Variants in GRIP1 observed in about 807,000 individuals in gnomAD.
GRIP1 encodes glutamate receptor interacting protein 1, also known as glutamate receptor-interacting protein 1.
GRIP1 carries 45 observed loss-of-function variants against 129.9 expected under a neutral mutation model. That is an observed-to-expected ratio of 0.35 (90% CI 0.27 to 0.44). GRIP1 has a LOEUF of 0.44. Among genes scored for constraint, GRIP1 ranks in the 20% least tolerant of loss-of-function variants. GRIP1 has a pLI of 1.00. For missense variants in GRIP1, 1,196 were observed against 1,396.8 expected (o/e 0.86, Z 2.29); for synonymous variants, 530 against 520.8 (o/e 1.02, Z -0.24).
chr12:66,799,609 G>A (rs1202559535), intron 1 of GRIP1, among the ~76,000 whole-genome samples: 1 of 152,062 alleles, frequency 6.6e-6, no homozygotes, highest in Non-Finnish European at 1.5e-5. Context: ...ACAGACTGAG[G>A]AAGGCAAGAC....
intron 1 of GRIP1, among the ~76,000 whole-genome samples, chr12:66,995,689 G>A (rs1471027766): frequency 6.6e-6 from 1 of 152,120 alleles, no homozygotes; most frequent in Non-Finnish European, 1.5e-5. Context: ...CATAATACAA[G>A]TGTTGGACAT....
intron 1 of GRIP1, among the ~76,000 whole-genome samples, chr12:66,666,124 C>T (rs976370879): frequency 7.9e-5 from 12 of 152,086 alleles, no homozygotes; most frequent in Non-Finnish European, 1.3e-4. Context: ...ATAACATTTA[C>T]GTTCCCTTCC....
intron 2 of GRIP1, among the ~76,000 whole-genome samples, chr12:66,558,898 T>A (rs1339365372): frequency 6.6e-6 from 1 of 151,970 alleles, no homozygotes; most frequent in African/African-American, 2.4e-5. Context: ...CAAGCTAATA[T>A]TCCCAATAAA....
chr12:66,477,610 G>T (rs1330056411), intron 7 of GRIP1, among the ~76,000 whole-genome samples: 4 of 152,132 alleles, frequency 2.6e-5, no homozygotes, highest in Non-Finnish European at 1.5e-5. Flanking sequence ...GAGGCATCAC[G>T]CTATCTGACT....
chr12:66,712,532 C>T (rs1421170505), intron 1 of GRIP1, among the ~76,000 whole-genome samples: 3 of 151,932 alleles, frequency 2.0e-5, no homozygotes, highest in Admixed American at 2.0e-4. Context: ...CACACACACA[C>T]ATCTATATTA....
intron 1 of GRIP1, among the ~76,000 whole-genome samples, chr12:66,602,880 A>C (rs1403554359): frequency 5.5e-5 from 4 of 72,418 alleles, no homozygotes; most frequent in Non-Finnish European, 7.8e-5. Flanking sequence ...TTTTTTTGAG[A>C]TAGGGTCTCA....
At chr12:66,632,300 T>C (rs1381719909) in intron 1 of GRIP1, among the ~76,000 whole-genome samples, 1 of 152,164 alleles carries the variant, frequency 6.6e-6, no homozygotes, top group Admixed American at 6.5e-5. Context: ...AAGTAGGGAA[T>C]GGAAACAAAA....
chr12:66,859,849 T>A (rs2040080946), intron 1 of GRIP1, among the ~76,000 whole-genome samples: 2 of 152,042 alleles, frequency 1.3e-5, no homozygotes, highest in South Asian at 4.1e-4. Flanking sequence ...ACTTGGCTTC[T>A]TAGTCCTCCT....
At chr12:66,767,789 C>T in intron 1 of GRIP1, among the ~76,000 whole-genome samples, 1 of 152,114 alleles carries the variant, frequency 6.6e-6, no homozygotes, top group Non-Finnish European at 1.5e-5. Flanking sequence ...CTTTGTCCAC[C>T]ATGGACATAA....
At chr12:66,483,004 G>A (rs141074212) in intron 7 of GRIP1, among the ~76,000 whole-genome samples, 3 of 152,212 alleles carry the variant, frequency 2.0e-5, no homozygotes, top group East Asian at 3.9e-4. Context: ...CAGAAGATAC[G>A]CTGATGACTG....
At chr12:66,830,450 T>C (rs964853873) in intron 1 of GRIP1, among the ~76,000 whole-genome samples, 1 of 152,076 alleles carries the variant, frequency 6.6e-6, no homozygotes, top group Non-Finnish European at 1.5e-5. Context: ...CACGCTGGCC[T>C]GCAGACAGAT....
rs545290560 is a variant in GRIP1, at chr12:66,444,402, C to T, written c.1687+182G>A. ...TCGGGAGGCTGAGGCAGGAGAATGG[C>T]GTGAACCCGGGAAGTGGAGCTTGCA... is the stretch of plus-strand genomic sequence containing the variant. On this transcript the variant is annotated intron_variant, in intron 13 of 24. Transcript: ENST00000359742. Among the ~76,000 whole-genome samples the T allele has an allele frequency of 4.8e-5, 7 of 145,818 alleles. No individual in the cohort carries two copies. The East Asian group carries it at 1.1e-3, about 22-fold the overall frequency.
chr12:66,852,111 G>A (rs369638378), intron 1 of GRIP1, among the ~76,000 whole-genome samples: 308 of 151,948 alleles, frequency 2.0e-3, no homozygotes, highest in African/African-American at 7.2e-3. Context: ...CTTTTGAAGG[G>A]GACTGAGTTA....
chr12:66,750,544 T>C (rs1204498115), intron 1 of GRIP1, among the ~76,000 whole-genome samples: 1 of 152,204 alleles, frequency 6.6e-6, no homozygotes, highest in Non-Finnish European at 1.5e-5. Context: ...TGTAGGAAAC[T>C]GGGCATAGGT....
intron 1 of GRIP1, among the ~76,000 whole-genome samples, chr12:66,604,256 A>C (rs948526308): frequency 6.6e-6 from 1 of 152,194 alleles, no homozygotes; most frequent in African/African-American, 2.4e-5. Flanking sequence ...CCTTTTGGGA[A>C]AGTAATATCT....
chr12:66,971,992 T>C (rs1222856144), intron 1 of GRIP1, among the ~76,000 whole-genome samples: 1 of 152,162 alleles, frequency 6.6e-6, no homozygotes, highest in Admixed American at 6.6e-5. Flanking sequence ...AGCGGAAATG[T>C]GTTGCTCAAC....
At chr12:67,031,494 G>A (rs1006505130) in intron 1 of GRIP1, among the ~76,000 whole-genome samples, 1 of 152,014 alleles carries the variant, frequency 6.6e-6, no homozygotes, top group African/African-American at 2.4e-5. Context: ...TCTTTTTGAG[G>A]TGACTCCAAT....
intron 1 of GRIP1, among the ~76,000 whole-genome samples, chr12:66,899,208 G>A (rs750130096): frequency 2.6e-5 from 4 of 152,082 alleles, no homozygotes; most frequent in Admixed American, 6.6e-5. Flanking sequence ...GAAAGTTGCA[G>A]GAAGGCAAGT....
intron 1 of GRIP1, among the ~76,000 whole-genome samples, chr12:66,697,637 G>A (rs569243145): frequency 3.9e-5 from 6 of 152,280 alleles, no homozygotes; most frequent in East Asian, 1.9e-4. Context: ...GCTGAGAAGC[G>A]TGCTAACTGG....
Sources: allele counts gnomAD v4.1 joint callset (sites outside exome capture counted in the v4.1 genomes callset), GRCh38; gene constraint gnomAD v4.1.1; transcripts MANE v1.5; gene names NCBI Gene and HGNC (gene_info 2026-07-23, HGNC 2026-07-21).